Variants in ACTR3C observed in about 807,000 individuals in gnomAD.
ACTR3C encodes actin-related protein 3C.
A neutral mutation model predicts 26.3 loss-of-function variants in ACTR3C; 18 were observed. That is an observed-to-expected ratio of 0.68 (90% CI 0.47 to 1.01). The LOEUF (loss-of-function observed/expected upper bound fraction) is 1.01, where lower values mean the gene tolerates loss of function less well. Ranked by LOEUF, ACTR3C falls within the 50% of genes least tolerant of loss-of-function variation. ACTR3C has a pLI of 0.00. For missense variants in ACTR3C, 184 were observed against 250.7 expected, an observed-to-expected ratio of 0.73 and a Z score of 1.80; for synonymous variants, 55 against 94.5, an observed-to-expected ratio of 0.58 and a Z score of 2.42.
At chr7:149,919,131 C>T in the ACTR3C span, among the ~76,000 whole-genome samples, 2 of 148,340 alleles carry the variant, frequency 1.3e-5, no homozygotes, top group Non-Finnish European at 3.0e-5. Context: ...TTTAAATAAA[C>T]CAAAAAAATA....
the ACTR3C span, among the ~76,000 whole-genome samples, chr7:150,051,998 A>T: frequency 2.0e-5 from 3 of 152,266 alleles, no homozygotes; most frequent in Non-Finnish European, 4.4e-5. Flanking sequence ...GAAGGACAGA[A>T]CCATATTTAA....
At chr7:150,162,774 C>CCTAATT in the ACTR3C span, among the ~76,000 whole-genome samples, 1 of 152,280 alleles carries the variant, frequency 6.6e-6, no homozygotes. Flanking sequence ...AAAGATCCAT[C>CCTAATT]CTAGAGATAT....
intron 6 of ACTR3C, among the ~76,000 whole-genome samples, chr7:150,253,707 G>A (rs575900476): frequency 8.6e-5 from 13 of 151,918 alleles, no homozygotes; most frequent in African/African-American, 2.7e-4. Context: ...AGTTTATGCC[G>A]TTTTTCTAAA....
the ACTR3C span, among the ~76,000 whole-genome samples, chr7:150,143,262 C>T: frequency 6.7e-6 from 1 of 149,666 alleles, no homozygotes; most frequent in East Asian, 2.0e-4. Flanking sequence ...CATCTCCTTG[C>T]ATAATCAAAA....
chr7:150,048,543 C>T, the ACTR3C span, among the ~76,000 whole-genome samples: 1 of 151,880 alleles, frequency 6.6e-6, no homozygotes, highest in African/African-American at 2.4e-5. Context: ...GGTAGTGCTG[C>T]GCGTGCCCCG....
At chr7:149,939,168 C>T in the ACTR3C span, among the ~76,000 whole-genome samples, 997 of 151,986 alleles carry the variant, frequency 6.6e-3, 7 homozygotes, top group Non-Finnish European at 0.01. Flanking sequence ...TTAGTAGAGA[C>T]GGAATTTCTC....
chr7:149,975,978 A>T, the ACTR3C span, among the ~76,000 whole-genome samples: 161 of 152,342 alleles, frequency 1.1e-3, 1 homozygote, highest in Non-Finnish European at 1.4e-3. Flanking sequence ...AAAGTTGATT[A>T]TTTGACAAGA....
the ACTR3C span, among the ~76,000 whole-genome samples, chr7:149,900,333 C>T: frequency 1.3e-5 from 2 of 151,964 alleles, no homozygotes; most frequent in African/African-American, 2.4e-5. Context: ...CACGCCACCA[C>T]GCCCAGCTAA....
At chr7:150,245,583 G>A (rs1375061433), downstream of ACTR3C, 1 of 152,142 alleles carries the variant, frequency 6.6e-6, no homozygotes, top group Non-Finnish European at 1.5e-5. Context: ...TCCAACTGCA[G>A]GAAAGTTGGG....
chr7:150,021,936 C>A, the ACTR3C span, among the ~76,000 whole-genome samples: 1 of 151,708 alleles, frequency 6.6e-6, no homozygotes, highest in South Asian at 2.1e-4. Context: ...GGCGTGCGTG[C>A]AAGTGTCTTT....
the ACTR3C span, among the ~76,000 whole-genome samples, chr7:150,024,541 G>A: frequency 1.3e-5 from 2 of 149,662 alleles, no homozygotes; most frequent in African/African-American, 5.0e-5. Flanking sequence ...AACCACCAGG[G>A]ACATCAAGCC....
chr7:150,023,237 C>CTA, the ACTR3C span, among the ~76,000 whole-genome samples: 184 of 1,970 alleles, frequency 0.093, 2 homozygotes, highest in South Asian at 0.12. Context: ...CTCTATATAT[C>CTA]TCTCTATCTC....
the ACTR3C span, among the ~76,000 whole-genome samples, chr7:150,193,300 T>A: frequency 6.6e-6 from 1 of 152,110 alleles, no homozygotes; most frequent in African/African-American, 2.4e-5. Context: ...TAAATTTATG[T>A]CTTTTATTTT....
the ACTR3C span, among the ~76,000 whole-genome samples, chr7:149,903,892 TTGTTGTTGCTG>T: frequency 2.8e-4 from 19 of 67,286 alleles, no homozygotes; most frequent in South Asian, 7.2e-4. Context: ...TTGTTGTTGT[TTGTTGTTGCTG>T]GTTGTTGTTG....
the ACTR3C span, among the ~76,000 whole-genome samples, chr7:149,906,581 G>A: frequency 3.3e-5 from 5 of 151,436 alleles, no homozygotes; most frequent in Non-Finnish European, 7.4e-5. Flanking sequence ...ACAGGCACCC[G>A]CCACCATCCC....
the ACTR3C span, among the ~76,000 whole-genome samples, chr7:150,028,348 G>A: frequency 2.4e-4 from 37 of 152,274 alleles, no homozygotes; most frequent in African/African-American, 8.9e-4. Context: ...TAAAAGAGGT[G>A]TGTGCATGCC....
chr7:150,039,791 GACTGGCTCTCA>G, the ACTR3C span, among the ~76,000 whole-genome samples: 1 of 136,156 alleles, frequency 7.3e-6, no homozygotes. Context: ...GGGGAAGAGG[GACTGGCTCTCA>G]GTCCCTGCCT....
At chr7:150,036,475 C>A in the ACTR3C span, among the ~76,000 whole-genome samples, 1 of 145,894 alleles carries the variant, frequency 6.9e-6, no homozygotes, top group Non-Finnish European at 1.6e-5. Flanking sequence ...AGCCCCAGGG[C>A]TGGGGCTGCC....
At chr7:150,029,703 C>A in the ACTR3C span, among the ~76,000 whole-genome samples, 2 of 152,042 alleles carry the variant, frequency 1.3e-5, no homozygotes, top group Admixed American at 6.5e-5. Context: ...TCAAATGACT[C>A]CCCATGACCT....
Sources: allele counts gnomAD v4.1 joint callset (sites outside exome capture counted in the v4.1 genomes callset), GRCh38; gene constraint gnomAD v4.1.1; transcripts MANE v1.5; gene names NCBI Gene and HGNC (gene_info 2026-07-23, HGNC 2026-07-21).